Variants in GIPR observed in about 807,000 individuals in gnomAD.
GIPR encodes the protein GIP-R.
GIPR carries 74 observed loss-of-function variants against 62.2 expected under a neutral mutation model. The observed-to-expected ratio is 1.19, with a 90% CI of 0.99 to 1.44. GIPR has a LOEUF of 1.44. GIPR is among the 40% of genes most tolerant of loss of function. The pLI is 0.00. For synonymous variants in GIPR, 256 were observed against 262.2 expected, an observed-to-expected ratio of 0.98 and a Z score of 0.23; for missense variants, 664 against 611.8, an observed-to-expected ratio of 1.09 and a Z score of -0.90.
intron 12 of GIPR, among the ~76,000 whole-genome samples, chr19:45,680,696 G>T (rs2878163): frequency 0.77 from 116,735 of 151,498 alleles, 45,081 homozygotes; most frequent in Admixed American, 0.84. Context: ...CTAGGCGTGG[G>T]GGCGCATGCC....
intron 12 of GIPR, among the ~76,000 whole-genome samples, chr19:45,678,630 TG>T (rs1396056375): frequency 2.0e-5 from 3 of 152,216 alleles, no homozygotes; most frequent in Non-Finnish European, 2.9e-5. Flanking sequence ...CCCAAAGTGC[TG>T]GGATTACAGG....
chr19:45,675,753 C>T (rs554740425), intron 7 of GIPR, among the ~76,000 whole-genome samples: 13 of 151,476 alleles, frequency 8.6e-5, no homozygotes, highest in Admixed American at 4.6e-4. Context: ...CCAGGCATGG[C>T]GGCCCTCGCC....
At chr19:45,677,878 C>T (rs768677222) in intron 10 of GIPR, 28 bp from the exon 11 acceptor site, 3 of 1,607,824 alleles carry the variant, frequency 1.9e-6, no homozygotes, top group East Asian at 2.2e-5. Flanking sequence ...GGGATCGCGG[C>T]TGGCTCAGCC....
chr19:45,671,484 C>T (rs771963663), intron 4 of GIPR, 92 bp downstream of exon 4: 5 of 803,736 alleles, frequency 6.2e-6, no homozygotes, highest in African/African-American at 1.7e-5. Context: ...CCACAGCTCA[C>T]CTGCACCCCT....
rs199991013 is a variant in GIPR, at chr19:45,674,096, G to T, written c.407G>T (p.Arg136Leu). ...CAGGACCAAAGGCTCATCTTGGAGC[G>T]GTTGCAGGTCATGTACACTGTCGGC... is the stretch of plus-strand genomic sequence containing the variant. Reference protein sequence around the residue: ...AFLDQRLILERLQVMYTVGYS... With the variant: ...AFLDQRLILELLQVMYTVGYS... Residue 136 changes from arginine (R) to leucine (L), a missense_variant, in exon 6 of 14, where the codon CGG (arginine) becomes CTG (leucine). Physicochemically the swap from Arg to Leu is moderately radical, Grantham distance 102. Coordinates refer to ENST00000590918, the MANE Select transcript of GIPR (RefSeq NM_000164.4). The T allele has an allele frequency of 6.2e-7, 1 of 1,611,878 alleles. No homozygotes were observed. Among genetic ancestry groups the T allele is most frequent in the East Asian group, 2.2e-5 (1 of 44,850 alleles).
At chr19:45,671,937 T>C (rs1301123471) in intron 4 of GIPR, among the ~76,000 whole-genome samples, 1 of 150,848 alleles carries the variant, frequency 6.6e-6, no homozygotes, top group East Asian at 2.0e-4. Context: ...AGGATTCTTA[T>C]TTTGTCTCCT....
Position 45,678,084 on chromosome 19 carries a change from C to G in GIPR, c.1014-4C>G. 1 of 1,612,444 alleles carries G rather than the reference C, an allele frequency of 6.2e-7. No homozygotes were observed. Among genetic ancestry groups the G allele is most frequent in the Non-Finnish European group, 8.5e-7 (1 of 1,179,980 alleles). ...GGATCACTGCTGCCGCCCTCTCTCC[C>G]CAGGCTGGCTCGCTCCACGCTGACG... On this transcript the variant is annotated splice_region_variant and splice_polypyrimidine_tract_variant and intron_variant, in intron 11 of 13. Coordinates refer to ENST00000590918, the MANE Select transcript of GIPR (RefSeq NM_000164.4).
At chr19:45,675,993 C>G (rs2146088486) in intron 7 of GIPR, among the ~76,000 whole-genome samples, 1 of 152,202 alleles carries the variant, frequency 6.6e-6, no homozygotes, top group East Asian at 1.9e-4. Flanking sequence ...GACACAAGGT[C>G]AGGAGTTCAA....
At position 45,674,793 on chromosome 19, in the gene GIPR, C is replaced by T. The variant is rs1478557518; in HGVS notation, c.600C>T (p.Tyr200=). Reference sequence around the variant, plus strand: ...GTCTGCTACCTCGACCTGGCCCCTACCTTGGGGACCAGGCCCTTGCGCTGT... The same window carrying T: ...GTCTGCTACCTCGACCTGGCCCCTATCTTGGGGACCAGGCCCTTGCGCTGT... ...RDRLLPRPGP[Y]LGDQALALWN... is the part of the protein sequence containing the mutation. Residue 200 remains tyrosine (Y), a synonymous_variant, in exon 7 of 14, where the codon TAC becomes TAT. Transcript: ENST00000590918. 1.9e-6 allele frequency: 3 copies of T among 1,613,836 alleles called. No homozygotes were observed. Among genetic ancestry groups the T allele is most frequent in the African/African-American group, 1.3e-5 (1 of 74,880 alleles).
At chr19:45,668,834 C>T (rs1043607853) in intron 1 of GIPR, among the ~76,000 whole-genome samples, 1 of 152,208 alleles carries the variant, frequency 6.6e-6, no homozygotes, top group African/African-American at 2.4e-5. Flanking sequence ...TATTTGGATG[C>T]TGGGAAAGGG....
chr19:45,678,668 A>G (rs1221871817), intron 12 of GIPR, among the ~76,000 whole-genome samples: 2 of 152,116 alleles, frequency 1.3e-5, no homozygotes, highest in Non-Finnish European at 1.5e-5. Context: ...CAGCCCGTTC[A>G]TTCATTCGAT....
intron 12 of GIPR, among the ~76,000 whole-genome samples, chr19:45,680,017 G>A (rs1442326986): frequency 2.0e-5 from 3 of 152,068 alleles, no homozygotes; most frequent in South Asian, 4.1e-4. Context: ...TGATCCGCCC[G>A]CTTCAGCCTC....
intron 4 of GIPR, among the ~76,000 whole-genome samples, chr19:45,672,265 C>T (rs1975582114): frequency 6.6e-6 from 1 of 151,954 alleles, no homozygotes; most frequent in African/African-American, 2.4e-5. Flanking sequence ...ATCCTCTCAC[C>T]TCAGCCTCCC....
chr19:45,676,957 T>C lies in GIPR; in HGVS notation c.642T>C (p.Ala214=), dbSNP rs1338133639. Reference sequence around the variant, plus strand: ...GTCTGGCCCCTCCCTAGGCCCTCGCTGCCTGCCGCACGGCCCAGATCGTGA... The same window carrying C: ...GTCTGGCCCCTCCCTAGGCCCTCGCCGCCTGCCGCACGGCCCAGATCGTGA... ...QALALWNQAL[A]ACRTAQIVTQ... is the part of the protein sequence containing the mutation. Residue 214 remains alanine (A), a synonymous_variant, in exon 8 of 14, where the codon GCT becomes GCC. Transcript: ENST00000590918. 4 of 1,614,028 alleles carry C rather than the reference T, an allele frequency of 2.5e-6. No individual in the cohort carries two copies. The Admixed American group carries it at 6.7e-5, about 27-fold the overall frequency.
chr19:45,673,975 T>C (rs1975692612), intron 5 of GIPR, 99 bp from the exon 6 acceptor site: 2 of 795,130 alleles, frequency 2.5e-6, no homozygotes, highest in Non-Finnish European at 4.6e-6. Flanking sequence ...TAAAATAGGG[T>C]ATTTGGGCAG....
At chr19:45,670,539 C>G in intron 2 of GIPR, 96 bp from the exon 3 acceptor site, 1 of 800,520 alleles carries the variant, frequency 1.2e-6, no homozygotes, top group Non-Finnish European at 2.1e-6. Flanking sequence ...GCAACAGACC[C>G]TCAAAGTCTC....
chr19:45,681,840 G>C lies in GIPR; in HGVS notation c.1306G>C (p.Gly436Arg). 6.4e-7 allele frequency: 1 copy of C among 1,554,262 alleles called. No homozygotes were observed. Among genetic ancestry groups the C allele is most frequent in the Non-Finnish European group, 8.7e-7 (1 of 1,148,604 alleles). ...RAFRALPSGS[G>R]PGEVPTSRGL... ...CTTCCGGGCCCTGCCCTCCGGCTCC[G>C]GCCCGGGCGAGGTCCCCACCAGCCG... is the stretch of plus-strand genomic sequence containing the variant. The change falls in exon 14 of 14, where the codon GGC becomes CGC. Residue 436 changes from glycine to arginine, a missense_variant. By Grantham distance (125) the Gly-to-Arg change is moderately radical. Coordinates refer to ENST00000590918, the MANE Select transcript of GIPR (RefSeq NM_000164.4).
At chr19:45,675,992 T>C (rs530454149) in intron 7 of GIPR, among the ~76,000 whole-genome samples, 1 of 151,604 alleles carries the variant, frequency 6.6e-6, no homozygotes, top group Admixed American at 6.6e-5. Flanking sequence ...GGACACAAGG[T>C]CAGGAGTTCA....
rs149302781 is a variant in GIPR at position 45,683,083 on chromosome 19, C to G, written c.*1148C>G. ...TGAGGACACAGCAGCAGAGAGGACT[C>G]CTTGGCTTTGGATGGTGGAGAGACT... On this transcript the variant is annotated 3_prime_UTR_variant, in exon 14 of 14. Coordinates refer to ENST00000590918, the MANE Select transcript of GIPR (RefSeq NM_000164.4). 1 of 152,694 alleles carries G rather than the reference C, an allele frequency of 6.5e-6. No individual in the cohort carries two copies. The highest frequency in any genetic ancestry group is 1.9e-4 in the East Asian group (1 of 5,186). The allele number at this position is 152,694 out of a possible 1,614,324, so 9.5% of individuals were successfully genotyped here.
Sources: allele counts gnomAD v4.1 joint callset (sites outside exome capture counted in the v4.1 genomes callset), GRCh38; gene constraint gnomAD v4.1.1; transcripts MANE v1.5; gene names NCBI Gene and HGNC (gene_info 2026-07-23, HGNC 2026-07-21).